Variants in NALF1 observed in about 807,000 individuals in gnomAD.
NALF1 encodes family with sequence similarity 155 member A.
Under a neutral mutation model 48.4 loss-of-function variants are expected in NALF1, and 3 were observed. The ratio of observed to expected loss-of-function variants is 0.06; its 90% CI spans 0.03 to 0.16. The LOEUF is 0.16. Ranked by LOEUF, NALF1 falls within the 10% of genes least tolerant of loss-of-function variation. The pLI, the probability that NALF1 is intolerant of heterozygous loss-of-function variation, is 1.00. For synonymous variants in NALF1, 262 were observed against 245.7 expected, an observed-to-expected ratio of 1.07 and a Z score of -0.62; for missense variants, 526 against 571.5, an observed-to-expected ratio of 0.92 and a Z score of 0.81.
At chr13:107,738,613 T>TA (rs1876533376) in intron 1 of NALF1, among the ~76,000 whole-genome samples, 1 of 152,150 alleles carries the variant, frequency 6.6e-6, no homozygotes, top group Admixed American at 6.5e-5. Flanking sequence ...AATGGGTCAA[T>TA]AAAAGGACAC....
At chr13:107,519,778 T>C (rs1331895558) in intron 1 of NALF1, among the ~76,000 whole-genome samples, 2 of 152,220 alleles carry the variant, frequency 1.3e-5, no homozygotes, top group African/African-American at 4.8e-5. Context: ...GCCAACTGTC[T>C]TGATATTACC....
intron 1 of NALF1, among the ~76,000 whole-genome samples, chr13:107,790,845 A>C (rs904424619): frequency 2.0e-5 from 3 of 148,448 alleles, no homozygotes; most frequent in Non-Finnish European, 4.5e-5. Flanking sequence ...GCTAAATAAA[A>C]ATCTATAAAC....
At chr13:107,720,063 A>G (rs1300949711) in intron 1 of NALF1, among the ~76,000 whole-genome samples, 2 of 152,100 alleles carry the variant, frequency 1.3e-5, no homozygotes, top group African/African-American at 4.8e-5. Flanking sequence ...CATCACCTCC[A>G]TGGAGCCTCT....
At chr13:107,426,104 C>T (rs1414323555) in intron 1 of NALF1, among the ~76,000 whole-genome samples, 1 of 152,148 alleles carries the variant, frequency 6.6e-6, no homozygotes, top group Non-Finnish European at 1.5e-5. Flanking sequence ...CCCAGGCTCT[C>T]CCCTCCACCA....
chr13:107,589,945 C>T (rs9559078), intron 1 of NALF1, among the ~76,000 whole-genome samples: 36,948 of 151,852 alleles, frequency 0.24, 5,169 homozygotes, highest in East Asian at 0.38. Context: ...TAGGCACTTC[C>T]ACCACTTCTA....
chr13:107,503,753 T>TGTGTGTGTGTGTG lies in NALF1; in HGVS notation c.916-292999_916-292998insCACACACACACAC, dbSNP rs1329568918. Among the ~76,000 whole-genome samples, 152 of 70,900 alleles carry TGTGTGTGTGTGTG rather than the reference T, an allele frequency of 2.1e-3. 2 individuals carry two copies. The highest frequency in any genetic ancestry group is 3.0e-3 in the South Asian group (6 of 2,014). The allele number at this position is 70,900 out of a possible 152,430, so 46.5% of individuals were successfully genotyped here. Reference sequence around the variant, plus strand: ...GAAAATGTGTGTCTGGTGTGTGTGTTTGTGTGTGTGTGTGTGTGTGTGTGT... The same window carrying TGTGTGTGTGTGTG: ...GAAAATGTGTGTCTGGTGTGTGTGTTGTGTGTGTGTGTGTGTGTGTGTGTGTGTGTGTGTGTGT... On this transcript the variant is annotated intron_variant, in intron 1 of 2. Coordinates refer to ENST00000375915, the MANE Select transcript of NALF1 (RefSeq NM_001080396.3).
chr13:107,387,477 G>A (rs1046370174), intron 1 of NALF1, among the ~76,000 whole-genome samples: 10 of 152,036 alleles, frequency 6.6e-5, no homozygotes, highest in African/African-American at 4.8e-5. Flanking sequence ...TGTGGCTGCC[G>A]GTCTACTGCT....
intron 1 of NALF1, among the ~76,000 whole-genome samples, chr13:107,653,030 G>C (rs1436206358): frequency 1.3e-5 from 2 of 152,058 alleles, no homozygotes; most frequent in African/African-American, 4.8e-5. Flanking sequence ...GGGGTTGAAG[G>C]ACACTTCATT....
intron 1 of NALF1, chr13:107,466,325 A>C (rs1296961950): frequency 6.6e-6 from 1 of 152,240 alleles, no homozygotes; most frequent in Non-Finnish European, 1.5e-5. Flanking sequence ...TCACCACTTA[A>C]TTCTATTGCA....
intron 1 of NALF1, among the ~76,000 whole-genome samples, chr13:107,658,580 T>G (rs1222408135): frequency 6.6e-6 from 1 of 152,118 alleles, no homozygotes; most frequent in Non-Finnish European, 1.5e-5. Context: ...TTTCTAATAG[T>G]CCAGGGGCAT....
intron 1 of NALF1, among the ~76,000 whole-genome samples, chr13:107,665,016 C>T (rs1041692948): frequency 6.6e-6 from 1 of 151,944 alleles, no homozygotes; most frequent in Non-Finnish European, 1.5e-5. Flanking sequence ...CAATATGGTA[C>T]TTAAAAGCAA....
chr13:107,551,283 T>C (rs936028393), intron 1 of NALF1, among the ~76,000 whole-genome samples: 2 of 152,216 alleles, frequency 1.3e-5, no homozygotes, highest in African/African-American at 4.8e-5. Flanking sequence ...TTATGTCTTA[T>C]ATTTATGCAA....
Position 107,651,196 on chromosome 13 carries a change from T to C in NALF1, c.915+214486A>G, listed in dbSNP as rs144063875. ...ATGTGGAGAGAGAGTAAGACCTTGC[T>C]GAGAGCCACATGGTACATAACCTCT... On this transcript the variant is annotated intron_variant, in intron 1 of 2. Coordinates refer to ENST00000375915, the MANE Select transcript of NALF1 (RefSeq NM_001080396.3). Among the ~76,000 whole-genome samples the C allele has an allele frequency of 8.6e-3, 1,307 of 152,330 alleles. 19 individuals carry two copies. The highest frequency in any genetic ancestry group is 0.026 in the African/African-American group (1,070 of 41,572).
intron 1 of NALF1, among the ~76,000 whole-genome samples, chr13:107,406,473 C>A (rs750430736): frequency 6.6e-6 from 1 of 151,882 alleles, no homozygotes; most frequent in Non-Finnish European, 1.5e-5. Context: ...AAGAACCCTA[C>A]AATGAAAACT....
At chr13:107,546,151 C>T (rs1459761390) in intron 1 of NALF1, among the ~76,000 whole-genome samples, 1 of 152,100 alleles carries the variant, frequency 6.6e-6, no homozygotes, top group Non-Finnish European at 1.5e-5. Flanking sequence ...CCCACTTGGC[C>T]TCTTGCACCC....
intron 1 of NALF1, among the ~76,000 whole-genome samples, chr13:107,659,122 C>CACACACAG (rs1487983103): frequency 2.0e-5 from 3 of 151,300 alleles, no homozygotes; most frequent in African/African-American, 7.3e-5. Context: ...CAGACACACA[C>CACACACAG]ACACACACAC....
intron 1 of NALF1, among the ~76,000 whole-genome samples, chr13:107,816,744 T>C (rs1300386315): frequency 6.6e-6 from 1 of 152,140 alleles, no homozygotes; most frequent in Non-Finnish European, 1.5e-5. Flanking sequence ...GCGTATTGCA[T>C]TAAAAAAAAA....
chr13:107,456,263 T>C (rs1453115745), intron 1 of NALF1, among the ~76,000 whole-genome samples: 1 of 152,174 alleles, frequency 6.6e-6, no homozygotes, highest in African/African-American at 2.4e-5. Flanking sequence ...TATTATTTTT[T>C]CTGTGAAACT....
intron 1 of NALF1, among the ~76,000 whole-genome samples, chr13:107,383,014 C>A (rs1228598958): frequency 6.6e-6 from 1 of 152,166 alleles, no homozygotes; most frequent in Non-Finnish European, 1.5e-5. Context: ...AGACAAACCC[C>A]AGATTGATAC....
Sources: gnomAD v4.1 joint callset for allele counts (sites outside exome capture counted in the v4.1 genomes callset) on GRCh38, gnomAD v4.1.1 for gene constraint, MANE v1.5 for transcripts, NCBI Gene and HGNC (gene_info 2026-07-23, HGNC 2026-07-21) for gene names.